Variants in ZNF316 observed in about 807,000 individuals in gnomAD.
ZNF316 encodes zinc finger protein 316.
A neutral mutation model predicts 75.6 loss-of-function variants in ZNF316; 23 were observed. The ratio of observed to expected loss-of-function variants is 0.30; its 90% CI spans 0.22 to 0.43. The LOEUF (loss-of-function observed/expected upper bound fraction) is 0.43, where lower values mean the gene tolerates loss of function less well. Among genes scored for constraint, ZNF316 ranks in the 20% least tolerant of loss-of-function variants. ZNF316 has a pLI of 1.00. For missense variants in ZNF316, 1,266 were observed against 1,409.4 expected (o/e 0.90, Z 1.63); for synonymous variants, 827 against 666.2 (o/e 1.24, Z -3.72).
In ZNF316 at chr7:6,653,941, C is replaced by G. The variant is rs1199593180; in HGVS notation, c.2345C>G (p.Ala782Gly). 3.5e-6 allele frequency: 4 copies of G among 1,149,774 alleles called. No individual in the cohort carries two copies. The highest frequency in any genetic ancestry group is 9.7e-5 in the Admixed American group (2 of 20,706). 71.2% of individuals were successfully genotyped at this position (1,149,774 alleles called of 1,614,324 possible). ...EKPFVCGVCG[A>G]GFSRRAHLTA... ...CCGTTCGTGTGCGGCGTGTGCGGTG[C>G]GGGGTTCAGCCGTCGCGCGCACTTG... The change falls in exon 9 of 9, where the codon GCG becomes GGG. Residue 782 changes from alanine (A) to glycine (G), a missense_variant. Physicochemically the swap from Ala to Gly is moderately conservative, Grantham distance 60. This residue lies in a region of ZNF316 where 194 missense variants were observed against 319.2 expected (regional missense o/e 0.61). Transcript: ENST00000382252.
rs1254118424 is a variant in ZNF316, at chr7:6,653,441, C to G, written c.1845C>G (p.Ile615Met). The change falls in exon 9 of 9, where the codon ATC (isoleucine) becomes ATG (methionine). Residue 615 changes from isoleucine to methionine, a missense_variant. Ile to Met is a conservative substitution (Grantham distance 10). This residue lies in a region of ZNF316 where 961 missense variants were observed against 990.9 expected (regional missense o/e 0.97). Coordinates refer to ENST00000382252, the MANE Select transcript of ZNF316 (RefSeq NM_001278559.2). ...KSWLHPDSFPILGLPDFRERL... is the reference protein window; with the variant it reads ...KSWLHPDSFPMLGLPDFRERL... ...GGCTGCACCCGGACAGCTTCCCGAT[C>G]CTGGGCCTACCCGACTTCCGAGAGC... 23 of 1,227,954 alleles carry G rather than the reference C, an allele frequency of 1.9e-5. No homozygotes were observed. Among genetic ancestry groups the G allele is most frequent in the Non-Finnish European group, 2.1e-5 (21 of 985,896 alleles). The allele number at this position is 1,227,954 out of a possible 1,614,324, so 76.1% of individuals were successfully genotyped here.
chr7:6,657,005 G>A lies in ZNF316; in HGVS notation c.*2394G>A, dbSNP rs993876173. Among the ~76,000 whole-genome samples, 23 of 152,124 alleles carry A rather than the reference G, an allele frequency of 1.5e-4. No homozygotes were observed. The highest frequency in any genetic ancestry group is 2.9e-5 in the Non-Finnish European group (2 of 68,026). ...AATCAAATGTGATCTGGAGGCATCA[G>A]AACAGAGCAATCTAATGCTTCTTTT... is the stretch of plus-strand genomic sequence containing the variant. On this transcript the variant is annotated 3_prime_UTR_variant, in exon 9 of 9. Transcript: ENST00000382252.
intron 8 of ZNF316, among the ~76,000 whole-genome samples, chr7:6,650,983 C>T (rs891172126): frequency 2.0e-5 from 3 of 152,162 alleles, no homozygotes; most frequent in South Asian, 4.2e-4. Flanking sequence ...ACAGGTGCCT[C>T]GCAAGGCTGA....
chr7:6,656,663 G>A lies in ZNF316; in HGVS notation c.*2052G>A, dbSNP rs561890744. ...GCCCCCACGCTGCCCCACACTTGAT[G>A]TAGTGTAAACACCTGACTTGGGGCA... On this transcript the variant is annotated 3_prime_UTR_variant, in exon 9 of 9. Transcript: ENST00000382252. 9.8e-5 allele frequency among the ~76,000 whole-genome samples: 15 copies of A among 152,336 alleles called. No individual in the cohort carries two copies. Among genetic ancestry groups the A allele is most frequent in the Non-Finnish European group, 4.4e-5 (3 of 68,030 alleles).
At chr7:6,648,703 C>T (rs1231474627) in intron 8 of ZNF316, among the ~76,000 whole-genome samples, 3 of 152,212 alleles carry the variant, frequency 2.0e-5, no homozygotes, top group African/African-American at 7.2e-5. Context: ...CCGGGCCCCC[C>T]AGCTGCCTTT....
rs1779367874 is a variant in ZNF316 at position 6,644,590 on chromosome 7, A to G, written c.703A>G (p.Thr235Ala). Residue 235 changes from threonine (T) to alanine (A), a missense_variant, in exon 8 of 9, where the codon ACA (threonine) becomes GCA (alanine). Physicochemically the swap from Thr to Ala is moderately conservative, Grantham distance 58. Transcript: ENST00000382252. ...AGGAGACATCGTCACTGGCGTCTACACAGGTGAGCGTGGATGGAATTTTGC... is the reference window on the plus strand; with the variant it reads ...AGGAGACATCGTCACTGGCGTCTACGCAGGTGAGCGTGGATGGAATTTTGC... The part of the protein sequence containing the change: ...EEGDIVTGVY[T>A]GAWFWTDDIE... The G allele has an allele frequency of 8.1e-7, 1 of 1,231,412 alleles. No individual in the cohort carries two copies. Among genetic ancestry groups the G allele is most frequent in the Non-Finnish European group, 1.0e-6 (1 of 987,254 alleles). The allele number at this position is 1,231,412 out of a possible 1,614,324, so 76.3% of individuals were successfully genotyped here. A position where few individuals can be genotyped will look rare whatever the true frequency, so the allele number is the denominator to read the frequency against.
rs1389803231 is a variant in ZNF316, at chr7:6,642,975, T to G, written c.367T>G (p.Ser123Ala). 6.5e-6 allele frequency: 8 copies of G among 1,230,132 alleles called. No homozygotes were observed. Among genetic ancestry groups the G allele is most frequent in the Middle Eastern group, 2.9e-4 (1 of 3,400 alleles). 76.2% of individuals were successfully genotyped at this position (1,230,132 alleles called of 1,614,324 possible). A position where few individuals can be genotyped will look rare whatever the true frequency, so the allele number is the denominator to read the frequency against. ...ATCTCTCCCCACAGGCCTGCAGGCC[T>G]CCCGGGCTCCAGCCACTCCTAGGGA... ...PVLQEKGLQASRAPATPRDED... is the reference protein window; with the variant it reads ...PVLQEKGLQAARAPATPRDED... Residue 123 changes from serine (S) to alanine (A), a missense_variant, in exon 6 of 9, where the codon TCC (serine) becomes GCC (alanine). Ser to Ala is a moderately conservative substitution (Grantham distance 99). This residue lies in a region of ZNF316 where 961 missense variants were observed against 990.9 expected (regional missense o/e 0.97). Coordinates refer to ENST00000382252, the MANE Select transcript of ZNF316 (RefSeq NM_001278559.2). The surrounding 1 kb of genome is among the most constrained non-coding windows in gnomAD (Gnocchi z 8.1).
chr7:6,653,510 C>A lies in ZNF316; in HGVS notation c.1914C>A (p.Gly638=). The A allele has an allele frequency of 8.2e-7, 1 of 1,221,490 alleles. No individual in the cohort carries two copies. Among genetic ancestry groups the A allele is most frequent in the Non-Finnish European group, 1.0e-6 (1 of 981,750 alleles). The allele number at this position is 1,221,490 out of a possible 1,614,324, so 75.7% of individuals were successfully genotyped here. Residue 638 remains glycine (G), a synonymous_variant, in exon 9 of 9, where the codon GGC becomes GGA. Transcript: ENST00000382252. ...GCCCGCTCCCGGCGCCCCTGGGGGG[C>A]CCGCTCTCCCTGGTGGAGGGTACCG... is the stretch of plus-strand genomic sequence containing the variant. ...DGRPLPAPLG[G]PLSLVEGTGL...
chr7:6,652,297 C>T lies in ZNF316; in HGVS notation c.707-6C>T. ...CTCTCTTCTGGCCTGCCTTTGTCAC[C>T]TTCAGGAGCCTGGTTCTGGACGGAC... On this transcript the variant is annotated splice_region_variant and splice_polypyrimidine_tract_variant and intron_variant, in intron 8 of 8. Coordinates refer to ENST00000382252, the MANE Select transcript of ZNF316 (RefSeq NM_001278559.2). 8.1e-7 allele frequency: 1 copy of T among 1,232,344 alleles called. No homozygotes were observed. The highest frequency in any genetic ancestry group is 1.0e-6 in the Non-Finnish European group (1 of 988,058). 76.3% of individuals were successfully genotyped at this position (1,232,344 alleles called of 1,614,324 possible).
Position 6,654,038 on chromosome 7 carries a change from G to C in ZNF316, c.2442G>C (p.Gln814His). 8.3e-7 allele frequency: 1 copy of C among 1,199,746 alleles called. No homozygotes were observed. The allele number at this position is 1,199,746 out of a possible 1,614,324, so 74.3% of individuals were successfully genotyped here. The change falls in exon 9 of 9, where the codon CAG becomes CAC. Residue 814 changes from glutamine to histidine, a missense_variant. Physicochemically the swap from Gln to His is conservative, Grantham distance 24. Around this residue, in one of 3 missense-constraint regions of ZNF316, gnomAD observed 194 missense variants for 319.2 expected, o/e 0.61. Coordinates refer to ENST00000382252, the MANE Select transcript of ZNF316 (RefSeq NM_001278559.2). ...ACGECGRRFGQSAALTRHQWA... is the reference protein window; with the variant it reads ...ACGECGRRFGHSAALTRHQWA... ...GAGAGTGCGGCCGGCGCTTCGGGCAGAGCGCGGCGCTGACGCGGCATCAGT... is the reference window on the plus strand; with the variant it reads ...GAGAGTGCGGCCGGCGCTTCGGGCACAGCGCGGCGCTGACGCGGCATCAGT...
chr7:6,644,740 A>G (rs1364897454), intron 8 of ZNF316, 147 bp downstream of exon 8: 5 of 410,162 alleles, frequency 1.2e-5, no homozygotes, highest in Non-Finnish European at 1.7e-5. Context: ...TGGTGGTTCA[A>G]GTTCCAGAAA....
chr7:6,640,197 G>A lies in ZNF316; in HGVS notation c.-167+1056G>A, dbSNP rs753654246. On this transcript the variant is annotated intron_variant, in intron 3 of 8. Transcript: ENST00000382252. This position sits in a 1 kb window ranked among gnomAD's most constrained non-coding sequence, Gnocchi z 5.1. ...AGCAGTTCAGGAAATGAGTACGCGC[G>A]GCTGCTATGGTTTGGGTGTTTGTCC... Among the ~76,000 whole-genome samples the A allele has an allele frequency of 3.3e-5, 5 of 152,126 alleles. No individual in the cohort carries two copies. The highest frequency in any genetic ancestry group is 7.2e-5 in the African/African-American group (3 of 41,422).
chr7:6,642,354 C>T lies in ZNF316; in HGVS notation c.-28-28C>T, dbSNP rs1417625148. ...GACCGTGTGGTGTGCTGAGAGCAGC[C>T]CGTCACTGGCGTCCATCTGCATTTC... On this transcript the variant is annotated intron_variant, in intron 4 of 8. Coordinates refer to ENST00000382252, the MANE Select transcript of ZNF316 (RefSeq NM_001278559.2). This position sits in a 1 kb window ranked among gnomAD's most constrained non-coding sequence, Gnocchi z 8.1. The T allele has an allele frequency of 8.8e-7, 1 of 1,141,396 alleles. No individual in the cohort carries two copies. Among genetic ancestry groups the T allele is most frequent in the Non-Finnish European group, 1.1e-6 (1 of 905,606 alleles). The allele number at this position is 1,141,396 out of a possible 1,614,324, so 70.7% of individuals were successfully genotyped here.
In ZNF316 at chr7:6,642,972, G is replaced by A. The variant is rs964594737; in HGVS notation, c.364G>A (p.Ala122Thr). The change falls in exon 6 of 9, where the codon GCC becomes ACC. Residue 122 changes from alanine (A) to threonine (T), a missense_variant. This residue lies in a region of ZNF316 where 961 missense variants were observed against 990.9 expected (regional missense o/e 0.97). Transcript: ENST00000382252. The surrounding 1 kb of genome is among the most constrained non-coding windows in gnomAD (Gnocchi z 8.1). ...GAGATCTCTCCCCACAGGCCTGCAG[G>A]CCTCCCGGGCTCCAGCCACTCCTAG... ...SPVLQEKGLQ[A>T]SRAPATPRDE... 2 of 1,233,334 alleles carry A rather than the reference G, an allele frequency of 1.6e-6. No individual in the cohort carries two copies. The highest frequency in any genetic ancestry group is 2.0e-6 in the Non-Finnish European group (2 of 988,786). 76.4% of individuals were successfully genotyped at this position (1,233,334 alleles called of 1,614,324 possible).
In ZNF316 at chr7:6,639,573, C is replaced by CA. The variant is rs1554289549; in HGVS notation, c.-167+432_-167+433insA. Among the ~76,000 whole-genome samples the CA allele has an allele frequency of 1.3e-5, 2 of 152,188 alleles. No homozygotes were observed. Among genetic ancestry groups the CA allele is most frequent in the Non-Finnish European group, 2.9e-5 (2 of 68,030 alleles). On this transcript the variant is annotated intron_variant, in intron 3 of 8. Transcript: ENST00000382252. The surrounding 1 kb of genome is among the most constrained non-coding windows in gnomAD (Gnocchi z 4.2). ...GGCCTGAGATGAGATGAACATGCAG[C>CA]CACTTTATTCCAAAGCTGTGAAGTG...
In ZNF316 at chr7:6,655,784, C is replaced by CGG. The variant is rs58651957; in HGVS notation, c.*1179_*1180dup. 1.7e-3 allele frequency: 265 copies of CGG among 152,092 alleles called. No individual in the cohort carries two copies. The highest frequency in any genetic ancestry group is 2.2e-3 in the Non-Finnish European group (153 of 68,038). The allele number at this position is 152,092 out of a possible 1,614,324, so 9.4% of individuals were successfully genotyped here. A position where few individuals can be genotyped will look rare whatever the true frequency, so the allele number is the denominator to read the frequency against. On this transcript the variant is annotated 3_prime_UTR_variant, in exon 9 of 9. Coordinates refer to ENST00000382252, the MANE Select transcript of ZNF316 (RefSeq NM_001278559.2). ...CAGCTTGCACAGTGGCTGTCCACCT[C>CGG]GGGGGGGTGTGGACCTGAGCCGTGG...
chr7:6,654,731 C>A lies in ZNF316; in HGVS notation c.*120C>A. On this transcript the variant is annotated 3_prime_UTR_variant, in exon 9 of 9. Coordinates refer to ENST00000382252, the MANE Select transcript of ZNF316 (RefSeq NM_001278559.2). ...GTCCCAGTCCTGGGTGCGGTGCCTT[C>A]CCTCAGCCCTCGCCCTGCGGCCCCG... is the stretch of plus-strand genomic sequence containing the variant. 1.1e-6 allele frequency: 1 copy of A among 888,868 alleles called. No individual in the cohort carries two copies. The highest frequency in any genetic ancestry group is 1.4e-6 in the Non-Finnish European group (1 of 704,030). 55.1% of individuals were successfully genotyped at this position (888,868 alleles called of 1,614,324 possible).
intron 2 of ZNF316, 145 bp from the exon 3 acceptor site, chr7:6,638,897 T>G (rs1312741442): frequency 6.6e-6 from 1 of 152,300 alleles, no homozygotes; most frequent in African/African-American, 2.4e-5. Context: ...AGGGCAAGAG[T>G]GCAGGCCTGG....
In ZNF316 at chr7:6,654,415, C is replaced by A. The variant is rs889553199; in HGVS notation, c.2819C>A (p.Ala940Asp). 2.5e-6 allele frequency: 3 copies of A among 1,211,676 alleles called. No individual in the cohort carries two copies. In the African/African-American group the frequency reaches 4.7e-5, roughly 19 times the overall value. The allele number at this position is 1,211,676 out of a possible 1,614,324, so 75.1% of individuals were successfully genotyped here. ...ACCCACATGAAGACGCACCGCGGAG[C>A]CACCGCAGCGCCGGGCTCGGGTTCG... The part of the protein sequence containing the change: ...LLTHMKTHRG[A>D]TAAPGSGSAP... The change falls in exon 9 of 9, where the codon GCC becomes GAC. Residue 940 changes from alanine (A) to aspartate (D), a missense_variant. Ala to Asp is a moderately radical substitution (Grantham distance 126, BLOSUM62 -2). Around this residue, in one of 3 missense-constraint regions of ZNF316, gnomAD observed 111 missense variants for 99.2 expected, o/e 1.12. Coordinates refer to ENST00000382252, the MANE Select transcript of ZNF316 (RefSeq NM_001278559.2).
Sources: gnomAD v4.1 joint callset for allele counts (sites outside exome capture counted in the v4.1 genomes callset) on GRCh38, gnomAD v4.1.1 for gene constraint, gnomAD v4.1.1 regional missense constraint, Gnocchi (gnomAD v3.1) non-coding constraint, MANE v1.5 for transcripts, NCBI Gene and HGNC (gene_info 2026-07-23, HGNC 2026-07-21) for gene names.